Variants in ADAM22 observed in about 807,000 individuals in gnomAD.
ADAM22 encodes ADAM metallopeptidase domain 22.
A neutral mutation model predicts 144.6 loss-of-function variants in ADAM22; 65 were observed. That is an observed-to-expected ratio of 0.45 (90% CI 0.37 to 0.55). The LOEUF is 0.55. Among genes scored for constraint, ADAM22 ranks in the 20% least tolerant of loss-of-function variants. ADAM22 has a pLI of 0.00. For synonymous variants in ADAM22, 391 were observed against 412.6 expected (o/e 0.95, Z 0.63); for missense variants, 974 against 1,184.9 (o/e 0.82, Z 2.61).
intron 2 of ADAM22, among the ~76,000 whole-genome samples, chr7:87,949,883 C>A (rs1637506): frequency 0.6 from 89,438 of 149,024 alleles, 28,034 homozygotes; most frequent in African/African-American, 0.78. Flanking sequence ...TGTAAGTTTA[C>A]ACGTCTATTA....
At chr7:87,982,670 C>CACATATATAT (rs1554373575) in intron 3 of ADAM22, among the ~76,000 whole-genome samples, 9 of 38,110 alleles carry the variant, frequency 2.4e-4, no homozygotes, top group African/African-American at 2.9e-4. Flanking sequence ...TCAGTTATTA[C>CACATATATAT]ATATATATAT....
chr7:88,080,943 A>C (rs1816392571), intron 4 of ADAM22, among the ~76,000 whole-genome samples: 1 of 152,204 alleles, frequency 6.6e-6, no homozygotes, highest in African/African-American at 2.4e-5. Context: ...TCCTTCTGAA[A>C]CTATTCCAAT....
intron 22 of ADAM22, among the ~76,000 whole-genome samples, chr7:88,159,176 A>G (rs893032845): frequency 2.0e-5 from 3 of 152,120 alleles, no homozygotes; most frequent in African/African-American, 7.2e-5. Flanking sequence ...ATGCCTGGAC[A>G]TGTGTATACG....
rs1232068800 is a variant in ADAM22, at chr7:88,182,037, C to T, written c.2663+13C>T. ...CTAATTCAACTGAGTAAGTCTGAAC[C>T]TCTAATGGAAAAAGGCACTCCAAGG... On this transcript the variant is annotated intron_variant, in intron 29 of 31. Coordinates refer to ENST00000413139, the MANE Select transcript of ADAM22 (RefSeq NM_001324418.2). 1 of 1,610,130 alleles carries T rather than the reference C, an allele frequency of 6.2e-7. No homozygotes were observed. Among genetic ancestry groups the T allele is most frequent in the Non-Finnish European group, 8.5e-7 (1 of 1,178,560 alleles).
intron 3 of ADAM22, among the ~76,000 whole-genome samples, chr7:88,071,951 G>A (rs1323792320): frequency 6.6e-6 from 1 of 151,930 alleles, no homozygotes; most frequent in African/African-American, 2.4e-5. Context: ...GATGAACAAT[G>A]ATGTTCTAAA....
chr7:87,952,591 G>A (rs906834619), intron 2 of ADAM22, among the ~76,000 whole-genome samples: 44 of 152,056 alleles, frequency 2.9e-4, no homozygotes, highest in African/African-American at 1.1e-3. Flanking sequence ...AAGGATATTG[G>A]TCTAAAATTC....
At chr7:88,145,660 T>TG (rs1836180029) in intron 17 of ADAM22, among the ~76,000 whole-genome samples, 153 bp downstream of exon 17, 1 of 152,154 alleles carries the variant, frequency 6.6e-6, no homozygotes, top group Non-Finnish European at 1.5e-5. Context: ...CACAAAATCT[T>TG]GTGTGGTGTA....
rs530789077 is a variant in ADAM22 at position 88,196,541 on chromosome 7, A to G, written c.*50A>G. ...TCGAAAACTGTTTACTTCAACTTTT[A>G]TAGAAACCCAGGCTCATGGAATCAC... On this transcript the variant is annotated 3_prime_UTR_variant, in exon 32 of 32. Transcript: ENST00000413139. The G allele has an allele frequency of 1.0e-5, 16 of 1,592,078 alleles. No homozygotes were observed. The East Asian group carries it at 2.0e-4, about 20-fold the overall frequency.
rs1048787483 is a variant in ADAM22 at position 88,202,710 on chromosome 7, T to C, written c.*6219T>C. The C allele has an allele frequency of 3.3e-5, 5 of 152,354 alleles. No individual in the cohort carries two copies. The highest frequency in any genetic ancestry group is 3.4e-3 in the Middle Eastern group (1 of 294). 9.4% of individuals were successfully genotyped at this position (152,354 alleles called of 1,614,324 possible). A position where few individuals can be genotyped will look rare whatever the true frequency, so the allele number is the denominator to read the frequency against. ...GCTGTTCAAGTTATAAAATTGTTCT[T>C]ACATTGTAGGTAAACAAAATCTTGA... On this transcript the variant is annotated 3_prime_UTR_variant, in exon 32 of 32. Transcript: ENST00000413139.
intron 14 of ADAM22, among the ~76,000 whole-genome samples, chr7:88,141,516 C>A (rs1834636426): frequency 6.6e-6 from 1 of 152,078 alleles, no homozygotes; most frequent in Non-Finnish European, 1.5e-5. Flanking sequence ...TTTATAAAAA[C>A]TACTCATTCT....
intron 2 of ADAM22, among the ~76,000 whole-genome samples, chr7:87,967,724 C>A (rs1010563116): frequency 6.9e-6 from 1 of 145,176 alleles, no homozygotes; most frequent in African/African-American, 2.6e-5. Flanking sequence ...AGGAGAATTG[C>A]TTGAGCCCTA....
At chr7:88,082,575 T>C (rs1358812889) in intron 4 of ADAM22, among the ~76,000 whole-genome samples, 1 of 152,140 alleles carries the variant, frequency 6.6e-6, no homozygotes, top group Non-Finnish European at 1.5e-5. Context: ...AGAAAATTTT[T>C]GCAGCCTACT....
In ADAM22 at chr7:88,148,574, G is replaced by A. The variant is rs1042387944; in HGVS notation, c.1486-403G>A. Among the ~76,000 whole-genome samples, 3 of 152,196 alleles carry A rather than the reference G, an allele frequency of 2.0e-5. No homozygotes were observed. In the East Asian group the frequency reaches 5.8e-4, roughly 29 times the overall value. On this transcript the variant is annotated intron_variant, in intron 17 of 31. Coordinates refer to ENST00000413139, the MANE Select transcript of ADAM22 (RefSeq NM_001324418.2). ...AGCTTTGTCAGAAAATCTAATTTTT[G>A]TGGTTCAACCCAAAATGTAATTTTT...
At chr7:88,156,107 C>A in intron 22 of ADAM22, 101 bp downstream of exon 22, 24 of 1,300,736 alleles carry the variant, frequency 1.8e-5, no homozygotes, top group South Asian at 5.6e-5. Context: ...GTTAGTAGGT[C>A]GAAATATAAT....
chr7:88,036,904 T>C lies in ADAM22; in HGVS notation c.324-38722T>C, dbSNP rs566442715. ...TTCTTTTCCTTTCCCAATGAGAATA[T>C]ATATATATTTTATGTCATGTCATTG... On this transcript the variant is annotated intron_variant, in intron 3 of 31. Coordinates refer to ENST00000413139, the MANE Select transcript of ADAM22 (RefSeq NM_001324418.2). 5.9e-5 allele frequency among the ~76,000 whole-genome samples: 9 copies of C among 152,220 alleles called. No homozygotes were observed. The South Asian group carries it at 1.7e-3, about 28-fold the overall frequency.
chr7:88,006,994 T>TAG (rs1454528154), intron 3 of ADAM22, among the ~76,000 whole-genome samples: 1 of 152,028 alleles, frequency 6.6e-6, no homozygotes, highest in Non-Finnish European at 1.5e-5. Flanking sequence ...ATTGTATATC[T>TAG]AGAAAACCCC....
chr7:88,026,273 T>C (rs1799007019), intron 3 of ADAM22, among the ~76,000 whole-genome samples: 1 of 152,170 alleles, frequency 6.6e-6, no homozygotes, highest in Non-Finnish European at 1.5e-5. Flanking sequence ...CTTTTACTCA[T>C]GGCAGAAGGC....
chr7:88,160,854 C>T (rs1396844031), intron 22 of ADAM22, among the ~76,000 whole-genome samples: 2 of 152,048 alleles, frequency 1.3e-5, no homozygotes, highest in Non-Finnish European at 2.9e-5. Context: ...TCTCAGCAAA[C>T]TACCACAAGG....
chr7:88,124,937 A>T (rs899932957), intron 7 of ADAM22, among the ~76,000 whole-genome samples: 48 of 152,118 alleles, frequency 3.2e-4, no homozygotes, highest in African/African-American at 1.1e-3. Flanking sequence ...CTCAACCATC[A>T]AAGTCTTAGG....
Sources: gnomAD v4.1 joint callset for allele counts (sites outside exome capture counted in the v4.1 genomes callset) on GRCh38, gnomAD v4.1.1 for gene constraint, MANE v1.5 for transcripts, NCBI Gene and HGNC (gene_info 2026-07-23, HGNC 2026-07-21) for gene names.